Variants in TENM3 observed in about 807,000 individuals in gnomAD.
TENM3 encodes the protein teneurin-3.
TENM3 carries 63 observed loss-of-function variants against 255.1 expected under a neutral mutation model. That is an observed-to-expected ratio of 0.25 (90% CI 0.20 to 0.30). The LOEUF is 0.30. Among genes scored for constraint, TENM3 ranks in the 10% least tolerant of loss-of-function variants. The pLI is 1.00. For synonymous variants in TENM3, 1,306 were observed against 1,322.3 expected (o/e 0.99, Z 0.27); for missense variants, 2,929 against 3,461.1 (o/e 0.85, Z 3.86).
At chr4:181,529,066 T>C in the TENM3 span, among the ~76,000 whole-genome samples, 32 of 152,324 alleles carry the variant, frequency 2.1e-4, no homozygotes, top group African/African-American at 7.5e-4. Flanking sequence ...TGGAGATTAT[T>C]GAACCCATTT....
intron 1 of TENM3, among the ~76,000 whole-genome samples, chr4:182,238,342 G>C (rs1429501433): frequency 6.6e-6 from 1 of 152,138 alleles, no homozygotes; most frequent in Admixed American, 6.5e-5. Flanking sequence ...CTTCCCCAAG[G>C]CCTTTGTAAT....
chr4:181,784,853 G>A, the TENM3 span, among the ~76,000 whole-genome samples: 5 of 152,140 alleles, frequency 3.3e-5, no homozygotes, highest in African/African-American at 9.7e-5. Context: ...TGTAAAGGGA[G>A]TAACATAATG....
At chr4:181,875,684 G>A in the TENM3 span, among the ~76,000 whole-genome samples, 245 of 152,228 alleles carry the variant, frequency 1.6e-3, no homozygotes, top group Non-Finnish European at 2.2e-3. Flanking sequence ...TGGACTCTAC[G>A]TTCAGAGCCC....
At chr4:181,913,427 C>T in the TENM3 span, among the ~76,000 whole-genome samples, 25 of 152,118 alleles carry the variant, frequency 1.6e-4, no homozygotes, top group Non-Finnish European at 2.5e-4. Context: ...GGAGCAATGG[C>T]GAGAGCACAC....
chr4:182,078,538 C>T, the TENM3 span, among the ~76,000 whole-genome samples: 1 of 151,832 alleles, frequency 6.6e-6, no homozygotes, highest in Non-Finnish European at 1.5e-5. Flanking sequence ...AAAACAAAAA[C>T]AAAAAAACAA....
intron 6 of TENM3, among the ~76,000 whole-genome samples, chr4:182,657,920 T>C (rs1237633000): frequency 6.6e-6 from 1 of 152,234 alleles, no homozygotes; most frequent in African/African-American, 2.4e-5. Context: ...CCTCCCAAAG[T>C]GCTAGGATTA....
At chr4:181,611,180 G>A in the TENM3 span, among the ~76,000 whole-genome samples, 6 of 152,158 alleles carry the variant, frequency 3.9e-5, no homozygotes, top group South Asian at 4.1e-4. Flanking sequence ...ACTTGTAGGC[G>A]AACGTGGGAG....
At chr4:182,770,477 G>A (rs112148591) in intron 22 of TENM3, among the ~76,000 whole-genome samples, 6 of 151,988 alleles carry the variant, frequency 3.9e-5, no homozygotes, top group African/African-American at 7.3e-5. Flanking sequence ...AGCCCCACCC[G>A]GGCCCCTGCC....
At chr4:182,455,890 C>T (rs1773838806) in intron 3 of TENM3, among the ~76,000 whole-genome samples, 1 of 152,064 alleles carries the variant, frequency 6.6e-6, no homozygotes, top group Non-Finnish European at 1.5e-5. Context: ...GGCTCCTCCT[C>T]CTCTCGGGCT....
At chr4:182,689,131 G>A (rs770554773) in intron 12 of TENM3, among the ~76,000 whole-genome samples, 6 of 152,150 alleles carry the variant, frequency 3.9e-5, no homozygotes, top group Non-Finnish European at 7.3e-5. Flanking sequence ...ACAAAAGTAA[G>A]TAATAAATTT....
the TENM3 span, among the ~76,000 whole-genome samples, chr4:181,450,463 T>C: frequency 6.6e-6 from 1 of 152,180 alleles, no homozygotes; most frequent in African/African-American, 2.4e-5. Context: ...GATTTTTAAA[T>C]GAAAAAGGGC....
In TENM3 at chr4:182,417,236, A is replaced by G. The variant is rs1453161602; in HGVS notation, c.511+70307A>G. On this transcript the variant is annotated intron_variant, in intron 3 of 27. Coordinates refer to ENST00000511685, the MANE Select transcript of TENM3 (RefSeq NM_001080477.4). The stretch of plus-strand genomic sequence containing the variant: ...CGTGATCCGCTCGTCTCGGCCTCCC[A>G]TAGTGCTGGGATTACAGGCGTGAGC... 6.6e-4 allele frequency among the ~76,000 whole-genome samples: 100 copies of G among 151,960 alleles called. 1 individual carries two copies. Among genetic ancestry groups the G allele is most frequent in the Non-Finnish European group, 5.9e-5 (4 of 67,982 alleles).
At chr4:182,735,736 G>T (rs1761112947) in intron 16 of TENM3, among the ~76,000 whole-genome samples, 1 of 152,162 alleles carries the variant, frequency 6.6e-6, no homozygotes, top group Non-Finnish European at 1.5e-5. Flanking sequence ...CCTATGAAGA[G>T]CTGTTCTTAT....
chr4:182,345,036 C>T (rs1764718506), intron 2 of TENM3, among the ~76,000 whole-genome samples: 1 of 152,036 alleles, frequency 6.6e-6, no homozygotes, highest in Admixed American at 6.6e-5. Context: ...TTTTGACATA[C>T]TTTTTGGTTC....
chr4:182,059,346 C>T, the TENM3 span, among the ~76,000 whole-genome samples: 1 of 151,898 alleles, frequency 6.6e-6, no homozygotes, highest in Non-Finnish European at 1.5e-5. Context: ...CACATCATCA[C>T]CTAAAGGAAA....
upstream of TENM3, chr4:182,142,078 G>T (rs1289832363): frequency 6.6e-6 from 1 of 152,190 alleles, no homozygotes; most frequent in Non-Finnish European, 1.5e-5. Flanking sequence ...TAGTTTGCAT[G>T]ATCTTCATGT....
At chr4:181,653,316 A>G in the TENM3 span, among the ~76,000 whole-genome samples, 5 of 152,180 alleles carry the variant, frequency 3.3e-5, no homozygotes, top group African/African-American at 1.2e-4. Flanking sequence ...CTGCGTTTCT[A>G]ACAAGGTAGA....
chr4:182,312,353 C>T (rs930120591), intron 1 of TENM3, among the ~76,000 whole-genome samples: 2 of 152,020 alleles, frequency 1.3e-5, no homozygotes, highest in African/African-American at 4.8e-5. Flanking sequence ...CAGAGCGAGA[C>T]CCTGTCTCAA....
At chr4:182,477,041 T>A (rs908110878) in intron 3 of TENM3, among the ~76,000 whole-genome samples, 2 of 152,200 alleles carry the variant, frequency 1.3e-5, no homozygotes, top group African/African-American at 4.8e-5. Context: ...CCGTGAGATA[T>A]TTTTACTTCA....
Sources: allele counts gnomAD v4.1 joint callset (sites outside exome capture counted in the v4.1 genomes callset), GRCh38; gene constraint gnomAD v4.1.1; transcripts MANE v1.5; gene names NCBI Gene and HGNC (gene_info 2026-07-23, HGNC 2026-07-21).